MYO1B: variants seen among roughly 807,000 people sequenced by gnomAD.
MYO1B encodes the protein unconventional myosin-Ib.
In MYO1B, 72 loss-of-function variants were observed where a neutral mutation model predicts 159.7. That is an observed-to-expected ratio of 0.45 (90% confidence interval 0.37 to 0.55). MYO1B has a LOEUF of 0.55. Among genes scored for constraint, MYO1B ranks in the 20% least tolerant of loss-of-function variants. The pLI is 0.00. For synonymous variants in MYO1B, 468 were observed against 473.8 expected (o/e 0.99, Z 0.16); for missense variants, 1,062 against 1,364.8 (o/e 0.78, Z 3.50).
chr2:191,337,268 A>G (rs1035900603), intron 4 of MYO1B, among the ~76,000 whole-genome samples: 1 of 152,202 alleles, frequency 6.6e-6, no homozygotes, highest in Non-Finnish European at 1.5e-5. Context: ...CATTAAAAAG[A>G]TTATTATATA....
rs73060711 is a variant in MYO1B at position 191,322,798 on chromosome 2, C to A, written c.252-7137C>A. On this transcript the variant is annotated intron_variant, in intron 3 of 30. Coordinates refer to ENST00000392318, the MANE Select transcript of MYO1B (RefSeq NM_001130158.3). ...TACAGGAAAGGGGTCCCAATCCAGA[C>A]CCCAAGAGAGAGGGTTCTTGGATCT... 7.6e-3 allele frequency among the ~76,000 whole-genome samples: 1,154 copies of A among 152,166 alleles called. 11 individuals are homozygous for A. The highest frequency in any genetic ancestry group is 0.026 in the African/African-American group (1,099 of 41,534).
chr2:191,319,189 C>A (rs1690545084), intron 3 of MYO1B, among the ~76,000 whole-genome samples: 1 of 152,154 alleles, frequency 6.6e-6, no homozygotes, highest in Non-Finnish European at 1.5e-5. Context: ...CATAAGCAAT[C>A]TCAAATAATG....
intron 3 of MYO1B, among the ~76,000 whole-genome samples, chr2:191,297,368 T>G (rs1221942239): frequency 1.3e-5 from 2 of 152,226 alleles, no homozygotes; most frequent in East Asian, 3.8e-4. Context: ...ACATCTTTTA[T>G]GCAATAAACT....
chr2:191,393,595 T>C (rs1020546252), intron 20 of MYO1B, among the ~76,000 whole-genome samples: 1 of 152,200 alleles, frequency 6.6e-6, no homozygotes, highest in Non-Finnish European at 1.5e-5. Flanking sequence ...GTTGGGCTAG[T>C]TTTTCAAAGT....
intron 2 of MYO1B, among the ~76,000 whole-genome samples, chr2:191,293,298 T>C (rs1330402288): frequency 6.6e-6 from 1 of 152,238 alleles, no homozygotes; most frequent in East Asian, 1.9e-4. Context: ...AGAATTGTTC[T>C]GGCTGTTTTT....
intron 2 of MYO1B, among the ~76,000 whole-genome samples, chr2:191,287,897 G>T (rs187040671): frequency 1.0e-4 from 15 of 146,524 alleles, no homozygotes; most frequent in African/African-American, 3.5e-4. Context: ...GCTTTAGCAA[G>T]AATTTTTTAT....
intron 4 of MYO1B, among the ~76,000 whole-genome samples, chr2:191,335,965 C>G (rs1050734789): frequency 6.6e-6 from 1 of 152,076 alleles, no homozygotes; most frequent in African/African-American, 2.4e-5. Context: ...TTCATCAGAC[C>G]TCATAAAAGT....
Position 191,423,845 on chromosome 2 carries a change from T to C in MYO1B, c.3296T>C (p.Val1099Ala). ...LNIEISDEFL[V>A]QFRQDKVCVK... Reference sequence around the variant, plus strand: ...TTATTCTTTTCTCCTAGGTTCCTGGTACAGTTCAGACAGGACAAAGTATGT... The same window carrying C: ...TTATTCTTTTCTCCTAGGTTCCTGGCACAGTTCAGACAGGACAAAGTATGT... The change falls in exon 31 of 31, where the codon GTA (valine) becomes GCA (alanine). Residue 1099 changes from valine (V) to alanine (A), a missense_variant. Val to Ala is a moderately conservative substitution (Grantham distance 64). Transcript: ENST00000392318. The C allele has an allele frequency of 6.2e-7, 1 of 1,612,828 alleles. No homozygotes were observed. Among genetic ancestry groups the C allele is most frequent in the Non-Finnish European group, 8.5e-7 (1 of 1,179,546 alleles).
chr2:191,268,453 A>G (rs907114157), intron 1 of MYO1B, among the ~76,000 whole-genome samples: 2 of 152,150 alleles, frequency 1.3e-5, no homozygotes, highest in African/African-American at 2.4e-5. Flanking sequence ...GGGCTTCAAC[A>G]TAATAGATTT....
chr2:191,350,883 G>A (rs923540314), intron 7 of MYO1B, among the ~76,000 whole-genome samples: 3 of 152,070 alleles, frequency 2.0e-5, no homozygotes, highest in African/African-American at 7.2e-5. Context: ...TCTAAAGTGG[G>A]TGTATGAGTG....
intron 1 of MYO1B, among the ~76,000 whole-genome samples, chr2:191,271,449 G>A (rs898406825): frequency 2.0e-5 from 3 of 151,952 alleles, no homozygotes; most frequent in Non-Finnish European, 2.9e-5. Context: ...CAAGGCAGAA[G>A]GATCATTTGA....
At chr2:191,356,337 C>CTTTTTTTT (rs79525897) in intron 7 of MYO1B, among the ~76,000 whole-genome samples, 17 of 106,424 alleles carry the variant, frequency 1.6e-4, no homozygotes, top group East Asian at 5.7e-4. Flanking sequence ...GGCTGGGCTT[C>CTTTTTTTT]TTTTTTTTTT....
chr2:191,322,631 A>G (rs1274508337), intron 3 of MYO1B, among the ~76,000 whole-genome samples: 2 of 152,176 alleles, frequency 1.3e-5, no homozygotes, highest in Non-Finnish European at 2.9e-5. Flanking sequence ...TACAAATAAG[A>G]GTTCTAAAAT....
At position 191,414,652 on chromosome 2, in the gene MYO1B, G is replaced by A. The variant is rs976968253; in HGVS notation, c.3142G>A (p.Ala1048Thr). 10 of 1,611,290 alleles carry A rather than the reference G, an allele frequency of 6.2e-6. No individual in the cohort carries two copies. Among genetic ancestry groups the A allele is most frequent in the African/African-American group, 2.7e-5 (2 of 74,960 alleles). The change falls in exon 29 of 31, where the codon GCC becomes ACC. Residue 1048 changes from alanine to threonine, a missense_variant. Physicochemically the swap from Ala to Thr is moderately conservative, Grantham distance 58. Coordinates refer to ENST00000392318, the MANE Select transcript of MYO1B (RefSeq NM_001130158.3). ...GAGCTCACAAAATGATGGCTTCTTC[G>A]CCGTCCACCTCAAAGAGGTAAAGGT... ...SMSSQNDGFF[A>T]VHLKEGSEAA...
At chr2:191,379,010 A>G (rs1574553880) in intron 13 of MYO1B, among the ~76,000 whole-genome samples, 1 of 152,294 alleles carries the variant, frequency 6.6e-6, no homozygotes, top group African/African-American at 2.4e-5. Flanking sequence ...TATTTCAGTC[A>G]AACTGTTTTT....
chr2:191,349,484 T>C (rs544490949), intron 6 of MYO1B, among the ~76,000 whole-genome samples: 38 of 152,258 alleles, frequency 2.5e-4, no homozygotes, highest in Non-Finnish European at 5.0e-4. Flanking sequence ...TACTCTGTTA[T>C]ACTTGTTACT....
chr2:191,337,375 T>C (rs968722989), intron 4 of MYO1B, among the ~76,000 whole-genome samples: 2 of 152,226 alleles, frequency 1.3e-5, no homozygotes, highest in Non-Finnish European at 2.9e-5. Flanking sequence ...ATTCAATTAG[T>C]TATTCTTACC....
chr2:191,376,546 A>C (rs994437434), intron 13 of MYO1B, among the ~76,000 whole-genome samples: 1 of 152,192 alleles, frequency 6.6e-6, no homozygotes, highest in Non-Finnish European at 1.5e-5. Context: ...TTTTATATAA[A>C]TGCATTGACT....
At position 191,393,062 on chromosome 2, in the gene MYO1B, TTTC is replaced by T. The variant is rs1695852097; in HGVS notation, c.2077-8_2077-6del. 1.9e-6 allele frequency: 3 copies of T among 1,611,322 alleles called. No individual in the cohort carries two copies. Among genetic ancestry groups the T allele is most frequent in the Non-Finnish European group, 2.5e-6 (3 of 1,178,330 alleles). On this transcript the variant is annotated splice_region_variant and splice_polypyrimidine_tract_variant and intron_variant, in intron 19 of 30. Transcript: ENST00000392318. Reference sequence around the variant, plus strand: ...GGATTTTTGATAAGTCCATCTATCATTTCTTATTAGTTATTCAAATTAGAAGAC... The same window carrying T: ...GGATTTTTGATAAGTCCATCTATCATTTATTAGTTATTCAAATTAGAAGAC...
Sources: allele counts gnomAD v4.1 joint callset (sites outside exome capture counted in the v4.1 genomes callset), GRCh38; gene constraint gnomAD v4.1.1; transcripts MANE v1.5; gene names NCBI Gene and HGNC (gene_info 2026-07-23, HGNC 2026-07-21).